IKZF2: variants seen among roughly 807,000 people sequenced by gnomAD.
IKZF2 encodes zinc finger protein Helios.
Under a neutral mutation model 49.2 loss-of-function variants are expected in IKZF2, and 15 were observed. The observed-to-expected ratio is 0.30, with a 90% CI of 0.20 to 0.47. IKZF2 has a LOEUF of 0.47. IKZF2 is among the 20% of genes least tolerant of loss of function. The pLI is 1.00. For missense variants in IKZF2, 567 were observed against 664.6 expected (o/e 0.85, Z 1.61); for synonymous variants, 227 against 221.4 (o/e 1.03, Z -0.23).
At chr2:213,015,748 C>T (rs1201753541) in intron 7 of IKZF2, among the ~76,000 whole-genome samples, 3 of 151,652 alleles carry the variant, frequency 2.0e-5, no homozygotes, top group South Asian at 2.1e-4. Flanking sequence ...ATATGTCAGA[C>T]CAAGATCCAA....
At chr2:213,087,187 C>A (rs1357554341) in intron 4 of IKZF2, among the ~76,000 whole-genome samples, 3 of 151,746 alleles carry the variant, frequency 2.0e-5, no homozygotes, top group African/African-American at 7.3e-5. Flanking sequence ...CCAAGCAGAG[C>A]AGAGGAAAAA....
intron 4 of IKZF2, among the ~76,000 whole-genome samples, chr2:213,073,467 A>AT (rs1185278568): frequency 6.6e-6 from 1 of 152,176 alleles, no homozygotes; most frequent in Non-Finnish European, 1.5e-5. Flanking sequence ...GTAATCCATT[A>AT]TTGACATGAT....
At chr2:213,015,950 C>T (rs900868261) in intron 7 of IKZF2, among the ~76,000 whole-genome samples, 9 of 152,148 alleles carry the variant, frequency 5.9e-5, no homozygotes, top group South Asian at 2.1e-4. Flanking sequence ...ACACTCAAAA[C>T]GAAACCTGGG....
intron 4 of IKZF2, among the ~76,000 whole-genome samples, chr2:213,111,184 T>C (rs1245796945): frequency 6.6e-6 from 1 of 152,040 alleles, no homozygotes; most frequent in African/African-American, 2.4e-5. Context: ...AAAAAGAGCT[T>C]CCCATAGTAA....
intron 4 of IKZF2, among the ~76,000 whole-genome samples, chr2:213,062,816 G>A (rs1024618278): frequency 2.0e-5 from 3 of 151,824 alleles, no homozygotes; most frequent in Admixed American, 6.6e-5. Flanking sequence ...TCTCTCTCAC[G>A]TAAACTTTCT....
At chr2:213,022,219 G>T in intron 6 of IKZF2, 89 bp from the exon 7 acceptor site, 1 of 1,248,624 alleles carries the variant, frequency 8.0e-7, no homozygotes, top group Non-Finnish European at 1.1e-6. Context: ...TCTGGAGGAA[G>T]CACTCATATA....
At chr2:213,085,713 C>T (rs1213095414) in intron 4 of IKZF2, among the ~76,000 whole-genome samples, 2 of 152,154 alleles carry the variant, frequency 1.3e-5, no homozygotes, top group Non-Finnish European at 2.9e-5. Flanking sequence ...GGAGGCAACA[C>T]GATGTTGGGT....
intron 4 of IKZF2, among the ~76,000 whole-genome samples, chr2:213,064,806 A>G (rs1702021461): frequency 6.6e-6 from 1 of 151,990 alleles, no homozygotes; most frequent in Admixed American, 6.6e-5. Context: ...CACCTGGAAC[A>G]ATATCAGAAA....
At chr2:213,126,608 A>G (rs2060267661) in intron 4 of IKZF2, among the ~76,000 whole-genome samples, 1 of 152,222 alleles carries the variant, frequency 6.6e-6, no homozygotes, top group Non-Finnish European at 1.5e-5. Context: ...AAAGTAAATG[A>G]TGGTAAAAAG....
chr2:213,048,848 G>T (rs968598423), intron 6 of IKZF2, among the ~76,000 whole-genome samples: 3 of 151,898 alleles, frequency 2.0e-5, no homozygotes, highest in African/African-American at 7.2e-5. Flanking sequence ...AATACGATTT[G>T]TCAATGTAGA....
chr2:213,070,708 A>G (rs1283738588), intron 4 of IKZF2, among the ~76,000 whole-genome samples: 1 of 152,170 alleles, frequency 6.6e-6, no homozygotes. Flanking sequence ...CAAGGACAGT[A>G]CAGAACGCCA....
intron 4 of IKZF2, among the ~76,000 whole-genome samples, chr2:213,119,466 C>T (rs75656347): frequency 0.038 from 5,729 of 151,758 alleles, 242 homozygotes; most frequent in African/African-American, 0.11. Flanking sequence ...TCTAATGCTG[C>T]GAGCCAGCAT....
intron 7 of IKZF2, among the ~76,000 whole-genome samples, chr2:213,017,953 G>C (rs1696794010): frequency 6.6e-6 from 1 of 152,024 alleles, no homozygotes; most frequent in African/African-American, 2.4e-5. Context: ...TCACCCAATA[G>C]AAATAAGTCA....
intron 4 of IKZF2, among the ~76,000 whole-genome samples, chr2:213,112,980 A>C (rs1679223594): frequency 6.6e-6 from 1 of 152,160 alleles, no homozygotes; most frequent in African/African-American, 2.4e-5. Flanking sequence ...ACAGTTGCTA[A>C]AAAAAGCAAA....
intron 4 of IKZF2, among the ~76,000 whole-genome samples, chr2:213,077,778 C>T (rs145969148): frequency 0.018 from 2,784 of 151,762 alleles, 84 homozygotes; most frequent in African/African-American, 0.064. Flanking sequence ...TTAGTAGAGA[C>T]GGGGTTTCAC....
Position 213,140,053 on chromosome 2 carries a change from T to C in IKZF2, c.139+7655A>G, listed in dbSNP as rs574491630. ...GAGCCCCAGCACCAGCAATGCATCATACACAGTAAGTGCTTAATAAATGTT... is the reference window on the plus strand; with the variant it reads ...GAGCCCCAGCACCAGCAATGCATCACACACAGTAAGTGCTTAATAAATGTT... On this transcript the variant is annotated intron_variant, in intron 4 of 8. Coordinates refer to ENST00000434687, the MANE Select transcript of IKZF2 (RefSeq NM_001387220.1). Among the ~76,000 whole-genome samples, 6 of 152,058 alleles carry C rather than the reference T, an allele frequency of 3.9e-5. No individual in the cohort carries two copies. In the South Asian group the frequency reaches 1.2e-3, roughly 31 times the overall value.
At chr2:213,013,765 G>C (rs955356156) in intron 8 of IKZF2, 26 bp downstream of exon 8, 5 of 1,590,998 alleles carry the variant, frequency 3.1e-6, no homozygotes, top group Non-Finnish European at 4.3e-6. Context: ...ACCTTGCAAA[G>C]AAACAAAAGC....
At chr2:213,148,401 A>G (rs1374921057) in intron 3 of IKZF2, among the ~76,000 whole-genome samples, 195 bp downstream of exon 3, 3 of 152,228 alleles carry the variant, frequency 2.0e-5, no homozygotes, top group Admixed American at 2.0e-4. Context: ...TACTTAACTT[A>G]GTATGTTTCT....
chr2:213,137,149 AT>A (rs1443242163), intron 4 of IKZF2, among the ~76,000 whole-genome samples: 2 of 152,138 alleles, frequency 1.3e-5, no homozygotes, highest in Non-Finnish European at 2.9e-5. Flanking sequence ...AAAAAATTAA[AT>A]CTAAAACTAT....
Sources: gnomAD v4.1 joint callset for allele counts (sites outside exome capture counted in the v4.1 genomes callset) on GRCh38, gnomAD v4.1.1 for gene constraint, MANE v1.5 for transcripts, NCBI Gene and HGNC (gene_info 2026-07-23, HGNC 2026-07-21) for gene names.